PMPCB: variants seen among roughly 807,000 people sequenced by gnomAD.
PMPCB encodes the protein mitochondrial-processing peptidase subunit beta.
PMPCB carries 46 observed loss-of-function variants against 61.5 expected under a neutral mutation model. The observed-to-expected ratio is 0.75, with a 90% confidence interval of 0.59 to 0.96. The LOEUF (loss-of-function observed/expected upper bound fraction) is 0.96. PMPCB is among the 40% of genes least tolerant of loss of function. PMPCB has a pLI of 0.00. For missense variants in PMPCB, 590 were observed against 602.4 expected (o/e 0.98, Z 0.22); for synonymous variants, 191 against 201.6 (o/e 0.95, Z 0.44).
At chr7:103,344,411 C>G in the PMPCB span, 1 of 799,818 alleles carries the variant, frequency 1.3e-6, no homozygotes, top group East Asian at 2.5e-5. Flanking sequence ...CTTTAAAACA[C>G]GGAGCAAAAA....
the PMPCB span, chr7:103,344,898 G>A: frequency 1.7e-6 from 1 of 572,478 alleles, no homozygotes; most frequent in Non-Finnish European, 3.1e-6. Flanking sequence ...ACGAGAGAAT[G>A]GTTCCTAGGC....
intron 12 of PMPCB, chr7:103,322,123 A>G (rs774992993): frequency 7.8e-6 from 11 of 1,415,052 alleles, no homozygotes; most frequent in African/African-American, 4.3e-5. Context: ...AGGTACAGTA[A>G]AATTCCTAAA....
chr7:103,317,097 C>A, downstream of PMPCB: 1 of 1,198,122 alleles, frequency 8.3e-7, no homozygotes, highest in South Asian at 1.4e-5. Flanking sequence ...GCTTTGTGGT[C>A]CTCAACTCTC....
chr7:103,324,735 A>G (rs149150104), intron 12 of PMPCB: 435 of 540,806 alleles, frequency 8.0e-4, no homozygotes, highest in African/African-American at 7.9e-3. Context: ...GGCATGAAAC[A>G]ATGCAGGTGT....
the PMPCB span, chr7:103,347,487 G>A: frequency 4.2e-6 from 2 of 472,070 alleles, no homozygotes; most frequent in Admixed American, 3.2e-5. Context: ...TAATATGCCA[G>A]GCGTTTTACA....
At chr7:103,300,945 A>G (rs1299852972) in intron 4 of PMPCB, among the ~76,000 whole-genome samples, 1 of 152,198 alleles carries the variant, frequency 6.6e-6, no homozygotes, top group Non-Finnish European at 1.5e-5. Context: ...CGGCCTCCCA[A>G]AGTGCTGGGA....
At chr7:103,314,922 G>T (rs1037620349), downstream of PMPCB, among the ~76,000 whole-genome samples, 5 of 152,092 alleles carry the variant, frequency 3.3e-5, no homozygotes, top group African/African-American at 7.2e-5. Flanking sequence ...TGAAGTGAAA[G>T]AACTTTTTCC....
intron 8 of PMPCB, 22 bp from the exon 9 acceptor site, chr7:103,310,293 T>G (rs752209932): frequency 2.5e-6 from 4 of 1,600,016 alleles, no homozygotes; most frequent in Non-Finnish European, 3.4e-6. Flanking sequence ...AAAATTCTCT[T>G]GGAATTTTTT....
chr7:103,313,406 T>G lies in PMPCB; in HGVS notation c.*1135T>G, dbSNP rs1817869734. Reference sequence around the variant, plus strand: ...CTCACCAGACTGGTAAAAAGCCATATTTAAATTTATAGTACTGTTGGACTC... The same window carrying G: ...CTCACCAGACTGGTAAAAAGCCATAGTTAAATTTATAGTACTGTTGGACTC... On this transcript the variant is annotated 3_prime_UTR_variant, in exon 13 of 13. Coordinates refer to ENST00000249269, the MANE Select transcript of PMPCB (RefSeq NM_004279.3). 1.0e-6 allele frequency: 1 copy of G among 984,158 alleles called. No homozygotes were observed. The allele number at this position is 984,158 out of a possible 1,614,324, so 61.0% of individuals were successfully genotyped here.
At chr7:103,338,852 G>C in the PMPCB span, among the ~76,000 whole-genome samples, 1 of 152,124 alleles carries the variant, frequency 6.6e-6, no homozygotes, top group African/African-American at 2.4e-5. Context: ...GGAGGTTGCA[G>C]TGGGCCAAGA....
At chr7:103,321,231 T>G (rs1474961294) in intron 12 of PMPCB, among the ~76,000 whole-genome samples, 1 of 151,696 alleles carries the variant, frequency 6.6e-6, no homozygotes, top group Non-Finnish European at 1.5e-5. Flanking sequence ...AGAAAAAGTT[T>G]TTTTGGCTGG....
At chr7:103,329,680 G>T (rs1414258877), downstream of PMPCB, among the ~76,000 whole-genome samples, 1 of 151,986 alleles carries the variant, frequency 6.6e-6, no homozygotes, top group Non-Finnish European at 1.5e-5. Context: ...ACTGATTTGT[G>T]ACACTATAAT....
downstream of PMPCB, chr7:103,316,427 A>G (rs1340141396): frequency 2.3e-5 from 5 of 220,990 alleles, no homozygotes; most frequent in African/African-American, 9.1e-5. Flanking sequence ...GGTTTCATCT[A>G]TAGAATTAGG....
chr7:103,338,981 T>C, the PMPCB span, among the ~76,000 whole-genome samples: 19 of 152,234 alleles, frequency 1.2e-4, 1 homozygote, highest in South Asian at 3.3e-3. Context: ...TCCTTGATGA[T>C]TTGTATGCAC....
intron 12 of PMPCB, chr7:103,323,507 T>C (rs945850612): frequency 2.4e-6 from 3 of 1,262,918 alleles, no homozygotes; most frequent in African/African-American, 1.6e-5. Flanking sequence ...AGAGAAAATA[T>C]GAAAGAAAAT....
intron 10 of PMPCB, 22 bp from the exon 11 acceptor site, chr7:103,311,786 A>T (rs1287101543): frequency 6.2e-7 from 1 of 1,604,800 alleles, no homozygotes; most frequent in Non-Finnish European, 8.5e-7. Flanking sequence ...CCAATAGTTA[A>T]TTTTTCCTTC....
chr7:103,312,036 CAG>C lies in PMPCB; in HGVS notation c.1330-19_1330-18del. On this transcript the variant is annotated intron_variant, in intron 11 of 12. Transcript: ENST00000249269. The stretch of plus-strand genomic sequence containing the variant: ...GTTTTTACTACAAACAGCTGAATGA[CAG>C]TGTCTTCCATATTTCAGGCTGTGAA... 1.9e-6 allele frequency: 3 copies of C among 1,607,974 alleles called. No individual in the cohort carries two copies. Among genetic ancestry groups the C allele is most frequent in the Non-Finnish European group, 2.6e-6 (3 of 1,176,032 alleles).
At chr7:103,308,132 T>C (rs1563448352) in intron 7 of PMPCB, among the ~76,000 whole-genome samples, 1 of 152,210 alleles carries the variant, frequency 6.6e-6, no homozygotes, top group African/African-American at 2.4e-5. Flanking sequence ...GGGTAGTAAC[T>C]GTTAGAGCCA....
At chr7:103,331,148 G>T (rs1013479994), downstream of PMPCB, among the ~76,000 whole-genome samples, 1 of 151,854 alleles carries the variant, frequency 6.6e-6, no homozygotes, top group Non-Finnish European at 1.5e-5. Flanking sequence ...GTAGAGACAG[G>T]GTTTTGCCAT....
Sources: gnomAD v4.1 joint callset for allele counts (sites outside exome capture counted in the v4.1 genomes callset) on GRCh38, gnomAD v4.1.1 for gene constraint, MANE v1.5 for transcripts, NCBI Gene and HGNC (gene_info 2026-07-23, HGNC 2026-07-21) for gene names.